Variants in GPC5 observed in about 807,000 individuals in gnomAD.
The protein encoded by GPC5 is glypican-5.
A neutral mutation model predicts 53.9 loss-of-function variants in GPC5; 47 were observed. That is an observed-to-expected ratio of 0.87 (90% CI 0.69 to 1.11). The LOEUF is 1.11. Ranked by LOEUF, GPC5 falls within the 50% of genes most tolerant of loss-of-function variation. The pLI is 0.00. For synonymous variants in GPC5, 286 were observed against 263.3 expected, an observed-to-expected ratio of 1.09 and a Z score of -0.84; for missense variants, 748 against 713.1, an observed-to-expected ratio of 1.05 and a Z score of -0.56.
intron 7 of GPC5, chr13:92,448,872 ATTCTTCATT>A: frequency 2.0e-5 from 3 of 150,878 alleles, no homozygotes; most frequent in Non-Finnish European, 2.9e-5. Flanking sequence ...TATAAGAGAA[ATTCTTCATT>A]AAAGAAGCCC....
chr13:92,229,239 A>G (rs2042512030), intron 7 of GPC5, among the ~76,000 whole-genome samples: 1 of 152,096 alleles, frequency 6.6e-6, no homozygotes, highest in Non-Finnish European at 1.5e-5. Context: ...ATAGGTCATT[A>G]TTTGATTCAT....
At chr13:92,156,824 CATAT>C (rs974590569) in intron 7 of GPC5, among the ~76,000 whole-genome samples, 1 of 151,938 alleles carries the variant, frequency 6.6e-6, no homozygotes, top group African/African-American at 2.4e-5. Context: ...CCCTGATTTA[CATAT>C]ATATGTGTGT....
chr13:91,833,074 C>G lies in GPC5; in HGVS notation c.1281-74863C>G, dbSNP rs9523425. Among the ~76,000 whole-genome samples the G allele has an allele frequency of 3.4e-3, 522 of 152,180 alleles. 1 individual carries two copies. The highest frequency in any genetic ancestry group is 6.0e-3 in the Non-Finnish European group (407 of 68,008). ...TGATAAAGGGGATATCACTACTGAT[C>G]CCACAGAAATACAAACTACCATCAG... On this transcript the variant is annotated intron_variant, in intron 5 of 7. Transcript: ENST00000377067.
chr13:91,886,919 G>C (rs1042790517), intron 5 of GPC5, among the ~76,000 whole-genome samples: 5 of 152,088 alleles, frequency 3.3e-5, no homozygotes, highest in African/African-American at 1.2e-4. Flanking sequence ...GTAAGCTGTT[G>C]GTGGATCTAC....
At chr13:92,602,845 T>C (rs1884125341) in intron 7 of GPC5, among the ~76,000 whole-genome samples, 1 of 148,322 alleles carries the variant, frequency 6.7e-6, no homozygotes, top group Non-Finnish European at 1.5e-5. Context: ...AGTCATAGTT[T>C]TGATTTTTTT....
chr13:92,050,089 C>T (rs1293668842), intron 6 of GPC5, among the ~76,000 whole-genome samples: 2 of 151,768 alleles, frequency 1.3e-5, no homozygotes, highest in African/African-American at 4.8e-5. Context: ...CACAGGATAC[C>T]CAATGAAGAC....
intron 5 of GPC5, among the ~76,000 whole-genome samples, chr13:91,789,624 A>C (rs1440083368): frequency 6.6e-6 from 1 of 152,190 alleles, no homozygotes; most frequent in East Asian, 1.9e-4. Context: ...TGAGGTAAAA[A>C]TGCACGCTGA....
At chr13:91,486,880 T>C (rs1883636523) in intron 2 of GPC5, 1 of 152,140 alleles carries the variant, frequency 6.6e-6, no homozygotes, top group Non-Finnish European at 1.5e-5. Flanking sequence ...AAGGGTTGGG[T>C]TGAATTGAAG....
chr13:91,820,346 C>A (rs984435005), intron 5 of GPC5, among the ~76,000 whole-genome samples: 2 of 151,984 alleles, frequency 1.3e-5, no homozygotes, highest in African/African-American at 4.8e-5. Flanking sequence ...TTTCTCATAG[C>A]CTTATAGGCA....
chr13:92,600,215 G>A (rs1474434296), intron 7 of GPC5, among the ~76,000 whole-genome samples: 1 of 152,054 alleles, frequency 6.6e-6, no homozygotes, highest in Non-Finnish European at 1.5e-5. Context: ...TACAACCGTA[G>A]CATGTAGTCC....
chr13:92,046,322 T>A (rs1056966058), intron 6 of GPC5, among the ~76,000 whole-genome samples: 2 of 152,216 alleles, frequency 1.3e-5, no homozygotes, highest in Non-Finnish European at 2.9e-5. Flanking sequence ...AACTTTTGTT[T>A]GAAATGAATG....
At chr13:92,075,751 T>C (rs1258622615) in intron 6 of GPC5, among the ~76,000 whole-genome samples, 1 of 152,182 alleles carries the variant, frequency 6.6e-6, no homozygotes, top group Non-Finnish European at 1.5e-5. Flanking sequence ...AATCTTTAAT[T>C]TTATTTAGCT....
chr13:91,670,385 T>C (rs1247146948), intron 2 of GPC5, among the ~76,000 whole-genome samples: 2 of 152,056 alleles, frequency 1.3e-5, no homozygotes, highest in African/African-American at 4.8e-5. Context: ...GGCTATAATA[T>C]AAAATATCAT....
At chr13:92,584,906 C>T (rs1400262097) in intron 7 of GPC5, among the ~76,000 whole-genome samples, 13 of 152,068 alleles carry the variant, frequency 8.5e-5, no homozygotes, top group South Asian at 4.1e-4. Flanking sequence ...CACATGGTGT[C>T]GAGCCTGCAG....
chr13:91,735,982 C>T (rs545198917), intron 4 of GPC5, among the ~76,000 whole-genome samples: 1 of 151,426 alleles, frequency 6.6e-6, no homozygotes, highest in Admixed American at 6.6e-5. Flanking sequence ...AGCAAAAAAT[C>T]TCATTGAGAT....
intron 2 of GPC5, chr13:91,485,886 A>C (rs1438851748): frequency 6.6e-6 from 1 of 152,224 alleles, no homozygotes; most frequent in Non-Finnish European, 1.5e-5. Flanking sequence ...GGTTTGATTG[A>C]TTATGGATTT....
At position 91,693,770 on chromosome 13, in the gene GPC5, G is replaced by A. The variant is rs200962559; in HGVS notation, c.909G>A (p.Ser303=). The change falls in exon 3 of 8, where the codon TCG becomes TCA. Residue 303 remains serine, a synonymous_variant. Transcript: ENST00000377067. The stretch of plus-strand genomic sequence containing the variant: ...ATATCCGGTCGTTGGAAGAACTCTC[G>A]GATGCAATGCATGGAACATACGACA... ...HAYIRSLEEL[S]DAMHGTYDIG... is the part of the protein sequence containing the mutation. The A allele has an allele frequency of 7.0e-5, 113 of 1,614,084 alleles. No homozygotes were observed. The highest frequency in any genetic ancestry group is 2.2e-4 in the East Asian group (10 of 44,876).
chr13:92,295,030 A>G (rs189096392), intron 7 of GPC5, among the ~76,000 whole-genome samples: 40 of 151,758 alleles, frequency 2.6e-4, no homozygotes, highest in Admixed American at 7.2e-4. Flanking sequence ...AGGTTTCACC[A>G]TGTTGGCCAG....
chr13:92,400,357 G>A (rs1476405301), intron 7 of GPC5, among the ~76,000 whole-genome samples: 1 of 152,104 alleles, frequency 6.6e-6, no homozygotes, highest in Non-Finnish European at 1.5e-5. Flanking sequence ...CAACAGAGGG[G>A]AAGATCTCAT....
Sources: allele counts gnomAD v4.1 joint callset (sites outside exome capture counted in the v4.1 genomes callset), GRCh38; gene constraint gnomAD v4.1.1; transcripts MANE v1.5; gene names NCBI Gene and HGNC (gene_info 2026-07-23, HGNC 2026-07-21).